GBA2: variants seen among roughly 807,000 people sequenced by gnomAD.
The protein encoded by GBA2 is glucosylceramidase beta 2.
A neutral mutation model predicts 112.9 loss-of-function variants in GBA2; 79 were observed. The observed-to-expected ratio is 0.70, with a 90% CI of 0.58 to 0.84. The LOEUF (loss-of-function observed/expected upper bound fraction) is 0.84. Ranked by LOEUF, GBA2 falls within the 40% of genes least tolerant of loss-of-function variation. The pLI is 0.00. For missense variants in GBA2, 1,043 were observed against 1,190.0 expected (o/e 0.88, Z 1.82); for synonymous variants, 403 against 434.3 (o/e 0.93, Z 0.90).
At position 35,736,969 on chromosome 9, in the gene GBA2, G is replaced by T; in HGVS notation, c.*200C>A. 1.2e-6 allele frequency: 1 copy of T among 863,522 alleles called. No homozygotes were observed. Among genetic ancestry groups the T allele is most frequent in the Non-Finnish European group, 1.7e-6 (1 of 576,250 alleles). The allele number at this position is 863,522 out of a possible 1,614,324, so 53.5% of individuals were successfully genotyped here. A position where few individuals can be genotyped will look rare whatever the true frequency, so the allele number is the denominator to read the frequency against. ...GAACATTTCACGCAGTCAGGGAACA[G>T]GTGAGGAAAGAAATAAATAAGTGAT... On this transcript the variant is annotated 3_prime_UTR_variant, in exon 17 of 17. Coordinates refer to ENST00000378103, the MANE Select transcript of GBA2 (RefSeq NM_020944.3).
At chr9:35,743,925 G>T (rs74787164) in intron 3 of GBA2, among the ~76,000 whole-genome samples, 2,456 of 152,138 alleles carry the variant, frequency 0.016, 57 homozygotes, top group African/African-American at 0.056. Context: ...TGAGTTTATA[G>T]ACTTTGGGTT....
intron 1 of GBA2, among the ~76,000 whole-genome samples, chr9:35,745,225 A>C (rs1826914113): frequency 6.6e-6 from 1 of 152,002 alleles, no homozygotes; most frequent in South Asian, 2.1e-4. Flanking sequence ...CAAGTTCAAG[A>C]AATTCTTCTG....
chr9:35,748,461 G>A lies in GBA2; in HGVS notation c.244C>T (p.Pro82Ser). The A allele has an allele frequency of 3.7e-6, 6 of 1,614,054 alleles. No individual in the cohort carries two copies. The highest frequency in any genetic ancestry group is 5.1e-6 in the Non-Finnish European group (6 of 1,179,912). ...YEGKAMGYQVPPFGWRICLAH... is the reference protein window; with the variant it reads ...YEGKAMGYQVSPFGWRICLAH... ...AGACAGATGCGCCAGCCAAAGGGAG[G>A]CACCTGGTAGCCCATAGCTTTACCC... Residue 82 changes from proline (P) to serine (S), a missense_variant, in exon 1 of 17, where the codon CCT (proline) becomes TCT (serine). Pro to Ser is a moderately conservative substitution (Grantham distance 74). Transcript: ENST00000378103.
Position 35,738,819 on chromosome 9 carries a change from T to G in GBA2, c.1880A>C (p.Gln627Pro). 1.2e-6 allele frequency: 2 copies of G among 1,614,078 alleles called. No individual in the cohort carries two copies. The highest frequency in any genetic ancestry group is 1.7e-6 in the Non-Finnish European group (2 of 1,179,910). ...CGTGAGGTAATAGTCCCGATAAACC[T>G]GCAGCACAAACTTCAGGTTCAGGTC... ...WKDLNLKFVL[Q>P]VYRDYYLTGD... is the part of the protein sequence containing the mutation. Residue 627 changes from glutamine to proline, a missense_variant, in exon 12 of 17, where the codon CAG becomes CCG. Coordinates refer to ENST00000378103, the MANE Select transcript of GBA2 (RefSeq NM_020944.3).
chr9:35,741,358 A>G lies in GBA2; in HGVS notation c.787-294T>C, dbSNP rs1477802982. ...TTTTTTTTGGGGGGTGCGGTGGCGC[A>G]ATCTCGGCTCACTGCAAGCTCCGCC... On this transcript the variant is annotated intron_variant, in intron 4 of 16. Coordinates refer to ENST00000378103, the MANE Select transcript of GBA2 (RefSeq NM_020944.3). This position sits in a 1 kb window ranked among gnomAD's most constrained non-coding sequence, Gnocchi z 4.6. 1 of 504,028 alleles carries G rather than the reference A, an allele frequency of 2.0e-6. No homozygotes were observed. Among genetic ancestry groups the G allele is most frequent in the African/African-American group, 1.9e-5 (1 of 51,434 alleles). 31.2% of individuals were successfully genotyped at this position (504,028 alleles called of 1,614,324 possible).
Position 35,740,189 on chromosome 9 carries a change from C to G in GBA2, c.1283+20G>C, listed in dbSNP as rs375108315. ...AGAGCCCCAGCACTCTGGATCCTTA[C>G]ACTTTCTTGGTCCCCTCACCTGTAG... On this transcript the variant is annotated intron_variant, in intron 7 of 16. Coordinates refer to ENST00000378103, the MANE Select transcript of GBA2 (RefSeq NM_020944.3). This position sits in a 1 kb window ranked among gnomAD's most constrained non-coding sequence, Gnocchi z 4.7. 6.2e-7 allele frequency: 1 copy of G among 1,613,864 alleles called. No individual in the cohort carries two copies. Among genetic ancestry groups the G allele is most frequent in the Non-Finnish European group, 8.5e-7 (1 of 1,179,912 alleles).
chr9:35,744,362 C>T lies in GBA2; in HGVS notation c.502G>A (p.Gly168Ser), dbSNP rs774442784. 5 of 1,613,502 alleles carry T rather than the reference C, an allele frequency of 3.1e-6. No individual in the cohort carries two copies. In the South Asian group the frequency reaches 3.3e-5, roughly 11 times the overall value. ...GGGTITRGWR[G>S]QFCRWQLNPG... ...TTAAGCTGCCAACGACAGAACTGGC[C>T]TCTCCAGCCACGGGTAATAGTGCCT... is the stretch of plus-strand genomic sequence containing the variant. Residue 168 changes from glycine (G) to serine (S), a missense_variant, in exon 3 of 17, where the codon GGC becomes AGC. Coordinates refer to ENST00000378103, the MANE Select transcript of GBA2 (RefSeq NM_020944.3).
intron 3 of GBA2, chr9:35,743,376 T>C (rs1219659522): frequency 3.9e-5 from 6 of 153,670 alleles, no homozygotes; most frequent in Non-Finnish European, 2.9e-5. Flanking sequence ...TTGTTTTTAA[T>C]ATTAAACAGT....
chr9:35,744,526 A>C (rs147073168), intron 2 of GBA2, 89 bp downstream of exon 2: 836 of 1,052,630 alleles, frequency 7.9e-4, no homozygotes, highest in Non-Finnish European at 1.1e-3. Context: ...GAACAGTGCA[A>C]TTTGCATAAG....
rs763154430 is a variant in GBA2 at position 35,740,180 on chromosome 9, G to A, written c.1283+29C>T. 4 of 1,613,860 alleles carry A rather than the reference G, an allele frequency of 2.5e-6. No individual in the cohort carries two copies. The highest frequency in any genetic ancestry group is 2.2e-5 in the East Asian group (1 of 44,894). On this transcript the variant is annotated intron_variant, in intron 7 of 16. Transcript: ENST00000378103. The surrounding 1 kb of genome is among the most constrained non-coding windows in gnomAD (Gnocchi z 4.7). ...CCCCAGGTCAGAGCCCCAGCACTCTGGATCCTTACACTTTCTTGGTCCCCT... is the reference window on the plus strand; with the variant it reads ...CCCCAGGTCAGAGCCCCAGCACTCTAGATCCTTACACTTTCTTGGTCCCCT...
Position 35,740,264 on chromosome 9 carries a change from G to A in GBA2, c.1228C>T (p.Leu410=). Residue 410 remains leucine (L), a synonymous_variant, in exon 7 of 17, where the codon CTG becomes TTG. Coordinates refer to ENST00000378103, the MANE Select transcript of GBA2 (RefSeq NM_020944.3). The surrounding 1 kb of genome is among the most constrained non-coding windows in gnomAD (Gnocchi z 4.7). The part of the protein sequence containing the change: ...PRGQCRLEFS[L]AWDMPRIMFG... ...ATGATCCTGGGCATGTCCCAAGCCA[G>A]TGAAAACTCCAGGCGGCACTGGCCT... The A allele has an allele frequency of 6.2e-7, 1 of 1,614,134 alleles. No homozygotes were observed. Among genetic ancestry groups the A allele is most frequent in the East Asian group, 2.2e-5 (1 of 44,872 alleles).
Position 35,737,956 on chromosome 9 carries a change from AGGAACAT to A in GBA2, c.2314-24_2314-18del, listed in dbSNP as rs772670813. 4 of 1,607,648 alleles carry A rather than the reference AGGAACAT, an allele frequency of 2.5e-6. No individual in the cohort carries two copies. In the Admixed American group the frequency reaches 6.7e-5, roughly 27 times the overall value. On this transcript the variant is annotated intron_variant, in intron 15 of 16. Transcript: ENST00000378103. This position sits in a 1 kb window ranked among gnomAD's most constrained non-coding sequence, Gnocchi z 4.1. ...AGGAAACACCTGGAGGGGCAAGGGC[AGGAACAT>A]GGTCTCATATACTTACTTCCCACCT...
rs771750320 is a variant in GBA2, at chr9:35,741,822, A to C, written c.636T>G (p.Ser212Arg). 6.2e-7 allele frequency: 1 copy of C among 1,613,896 alleles called. No homozygotes were observed. The highest frequency in any genetic ancestry group is 1.1e-5 in the South Asian group (1 of 91,084). The stretch of plus-strand genomic sequence containing the variant: ...GGCCCCAGTTCCAGCTGCGGAGGAC[A>C]CTTGGGCGCTCCAGGGACAGGACTT... ...YQQVLSLERP[S>R]VLRSWNWGLC... The change falls in exon 4 of 17, where the codon AGT becomes AGG. Residue 212 changes from serine to arginine, a missense_variant. Transcript: ENST00000378103. The surrounding 1 kb of genome is among the most constrained non-coding windows in gnomAD (Gnocchi z 4.6).
intron 1 of GBA2, among the ~76,000 whole-genome samples, chr9:35,747,716 T>A (rs974202276): frequency 6.6e-6 from 1 of 152,224 alleles, no homozygotes; most frequent in Non-Finnish European, 1.5e-5. Flanking sequence ...GGGATCTAGA[T>A]GGGTTCTACA....
chr9:35,747,197 T>C (rs1342898432), intron 1 of GBA2, among the ~76,000 whole-genome samples: 2 of 152,184 alleles, frequency 1.3e-5, no homozygotes, highest in Non-Finnish European at 2.9e-5. Context: ...GAGCACAGCT[T>C]CAGGCCTCTA....
At position 35,744,400 on chromosome 9, in the gene GBA2, C is replaced by T. The variant is rs1180514834; in HGVS notation, c.464G>A (p.Gly155Asp). 3 of 1,600,058 alleles carry T rather than the reference C, an allele frequency of 1.9e-6. No homozygotes were observed. The highest frequency in any genetic ancestry group is 2.6e-6 in the Non-Finnish European group (3 of 1,167,328). ...GGTAATAGTGCCTCCCCCGATGCCA[C>T]CCAAGGGACAACCTAGAGAAATCAG... ...PLRQIYGCPLGGIGGGTITRG... is the reference protein window; with the variant it reads ...PLRQIYGCPLDGIGGGTITRG... Residue 155 changes from glycine (G) to aspartate (D), a missense_variant, in exon 3 of 17, where the codon GGT becomes GAT. Coordinates refer to ENST00000378103, the MANE Select transcript of GBA2 (RefSeq NM_020944.3).
chr9:35,747,594 G>A (rs1258446573), intron 1 of GBA2, among the ~76,000 whole-genome samples: 1 of 152,220 alleles, frequency 6.6e-6, no homozygotes, highest in African/African-American at 2.4e-5. Flanking sequence ...ACAGTTCTGT[G>A]TGTATTGTGT....
At chr9:35,748,277 C>T (rs758691290) in intron 1 of GBA2, 69 bp downstream of exon 1, 10 of 958,652 alleles carry the variant, frequency 1.0e-5, no homozygotes, top group South Asian at 1.6e-5. Flanking sequence ...CCCTTTCCCA[C>T]CTCTGCTAGA....
In GBA2 at chr9:35,744,631, G is replaced by A. The variant is rs777005170; in HGVS notation, c.435C>T (p.Pro145=). ...GGGGCTCACCATAAATCTGTCTTAGGGGTACAGAATTGATCATGTCGATGA... is the reference window on the plus strand; with the variant it reads ...GGGGCTCACCATAAATCTGTCTTAGAGGTACAGAATTGATCATGTCGATGA... ...TPFIDMINSV[P]LRQIYGCPLG... is the part of the protein sequence containing the mutation. Residue 145 remains proline (P), a synonymous_variant, in exon 2 of 17, where the codon CCC becomes CCT. Transcript: ENST00000378103. The A allele has an allele frequency of 6.2e-7, 1 of 1,600,060 alleles. No homozygotes were observed. Among genetic ancestry groups the A allele is most frequent in the South Asian group, 1.1e-5 (1 of 90,796 alleles).
Sources: gnomAD v4.1 joint callset for allele counts (sites outside exome capture counted in the v4.1 genomes callset) on GRCh38, gnomAD v4.1.1 for gene constraint, Gnocchi (gnomAD v3.1) non-coding constraint, MANE v1.5 for transcripts, NCBI Gene and HGNC (gene_info 2026-07-23, HGNC 2026-07-21) for gene names.